Variants in STPG2 observed in about 807,000 individuals in gnomAD.
The protein encoded by STPG2 is sperm tail PG-rich repeat containing 2.
A neutral mutation model predicts 54.2 loss-of-function variants in STPG2; 56 were observed. That is an observed-to-expected ratio of 1.03 (90% CI 0.83 to 1.29). The LOEUF (loss-of-function observed/expected upper bound fraction) is 1.29, where lower values mean the gene tolerates loss of function less well. Among genes scored for constraint, STPG2 ranks in the 50% most tolerant of loss-of-function variants. STPG2 has a pLI of 0.00. For synonymous variants in STPG2, 200 were observed against 181.8 expected (o/e 1.10, Z -0.81); for missense variants, 596 against 544.9 (o/e 1.09, Z -0.93).
At chr4:97,869,281 G>A (rs1188615827) in intron 8 of STPG2, among the ~76,000 whole-genome samples, 1 of 151,458 alleles carries the variant, frequency 6.6e-6, no homozygotes, top group Non-Finnish European at 1.5e-5. Context: ...GCTCTAAAAT[G>A]CCCTCTAAAA....
intron 8 of STPG2, among the ~76,000 whole-genome samples, chr4:97,869,077 A>G (rs944455263): frequency 6.6e-6 from 1 of 151,856 alleles, no homozygotes. Flanking sequence ...AGAAACAAAG[A>G]AAGTTTGAAG....
At chr4:97,504,142 T>A (rs1006382524) in intron 4 of STPG2, among the ~76,000 whole-genome samples, 1 of 145,924 alleles carries the variant, frequency 6.9e-6, no homozygotes, top group Non-Finnish European at 1.5e-5. Flanking sequence ...TTTTATTTAA[T>A]ATTTAATAAA....
intron 9 of STPG2, among the ~76,000 whole-genome samples, chr4:97,714,102 C>T (rs1174483832): frequency 6.6e-6 from 1 of 151,916 alleles, no homozygotes; most frequent in African/African-American, 2.4e-5. Flanking sequence ...TAAATATAAA[C>T]AGTGAAATAG....
chr4:97,508,432 A>G (rs1396063793), intron 4 of STPG2, among the ~76,000 whole-genome samples: 1 of 152,114 alleles, frequency 6.6e-6, no homozygotes, highest in East Asian at 1.9e-4. Context: ...TTGAATATAG[A>G]AATCAATCAA....
chr4:97,758,624 G>C (rs370076143), intron 9 of STPG2, among the ~76,000 whole-genome samples: 2 of 152,066 alleles, frequency 1.3e-5, no homozygotes, highest in African/African-American at 4.8e-5. Context: ...GCCTGTCAGG[G>C]GGGTGCGGGG....
intron 7 of STPG2, among the ~76,000 whole-genome samples, chr4:97,952,902 T>C (rs1447616649): frequency 1.3e-5 from 2 of 152,154 alleles, no homozygotes; most frequent in Non-Finnish European, 2.9e-5. Flanking sequence ...GGAGATACTG[T>C]AATGCATTGT....
intron 5 of STPG2, among the ~76,000 whole-genome samples, chr4:98,015,631 T>C (rs1185408866): frequency 6.6e-6 from 1 of 152,104 alleles, no homozygotes; most frequent in Non-Finnish European, 1.5e-5. Flanking sequence ...AGTTCAACCA[T>C]TGTGGAAGAC....
chr4:97,445,331 T>A (rs1379222004), intron 4 of STPG2, among the ~76,000 whole-genome samples: 1 of 152,140 alleles, frequency 6.6e-6, no homozygotes, highest in Non-Finnish European at 1.5e-5. Context: ...TTCTATACAA[T>A]CTACTGATGA....
chr4:97,616,609 T>G (rs1340380857), intron 10 of STPG2, among the ~76,000 whole-genome samples: 1 of 152,140 alleles, frequency 6.6e-6, no homozygotes, highest in Non-Finnish European at 1.5e-5. Context: ...TCTACTCCAT[T>G]TATGCTGGAA....
At chr4:97,884,549 C>G (rs377349957) in intron 8 of STPG2, among the ~76,000 whole-genome samples, 39 of 152,258 alleles carry the variant, frequency 2.6e-4, no homozygotes, top group Admixed American at 1.2e-3. Context: ...ACACTTCGCT[C>G]TTGCACTTCT....
intron 9 of STPG2, among the ~76,000 whole-genome samples, chr4:97,760,893 C>A (rs1335873941): frequency 1.3e-5 from 2 of 152,106 alleles, no homozygotes; most frequent in Non-Finnish European, 2.9e-5. Flanking sequence ...AGCATCCATG[C>A]CATGCCTTTT....
At chr4:97,839,879 T>A (rs72881451) in intron 9 of STPG2, among the ~76,000 whole-genome samples, 30 of 151,454 alleles carry the variant, frequency 2.0e-4, no homozygotes, top group African/African-American at 7.3e-4. Flanking sequence ...TTCTGTTTCA[T>A]TTTTTTCTCC....
intron 8 of STPG2, among the ~76,000 whole-genome samples, chr4:97,866,177 T>C (rs940204588): frequency 6.6e-6 from 1 of 151,958 alleles, no homozygotes; most frequent in Admixed American, 6.6e-5. Flanking sequence ...TCTATAATAG[T>C]ATTTGATAGT....
At chr4:97,955,129 A>G (rs951698359) in intron 7 of STPG2, among the ~76,000 whole-genome samples, 2 of 152,182 alleles carry the variant, frequency 1.3e-5, no homozygotes, top group Admixed American at 6.5e-5. Flanking sequence ...GAAATAGATG[A>G]AAAAAAGTAG....
intron 4 of STPG2, among the ~76,000 whole-genome samples, chr4:97,508,388 C>T (rs1730898595): frequency 1.3e-5 from 2 of 152,080 alleles, no homozygotes; most frequent in South Asian, 2.1e-4. Flanking sequence ...TTTCATACTA[C>T]AAAAATTATT....
chr4:97,528,073 C>T (rs1231537869), intron 4 of STPG2, among the ~76,000 whole-genome samples: 2 of 152,152 alleles, frequency 1.3e-5, no homozygotes, highest in Non-Finnish European at 2.9e-5. Context: ...AGTCTTTGCA[C>T]ATGTCTACAT....
At chr4:97,686,744 C>G (rs1723200474) in intron 10 of STPG2, among the ~76,000 whole-genome samples, 1 of 151,946 alleles carries the variant, frequency 6.6e-6, no homozygotes, top group African/African-American at 2.4e-5. Context: ...TTTTCATTAG[C>G]TAAGGATTCT....
intron 9 of STPG2, among the ~76,000 whole-genome samples, chr4:97,796,664 G>C (rs1346549468): frequency 3.3e-5 from 5 of 152,154 alleles, no homozygotes; most frequent in Admixed American, 3.3e-4. Context: ...TTTTGGCTTA[G>C]GATTGTCTTG....
intron 10 of STPG2, among the ~76,000 whole-genome samples, chr4:97,700,218 C>A: frequency 6.6e-6 from 1 of 152,256 alleles, no homozygotes; most frequent in Middle Eastern, 3.4e-3. Context: ...GATACCACAA[C>A]CAATTGGATC....
Sources: gnomAD v4.1 joint callset for allele counts (sites outside exome capture counted in the v4.1 genomes callset) on GRCh38, gnomAD v4.1.1 for gene constraint, MANE v1.5 for transcripts, NCBI Gene and HGNC (gene_info 2026-07-23, HGNC 2026-07-21) for gene names.